Variants in EBF3 observed in about 807,000 individuals in gnomAD.
EBF3 encodes transcription factor COE3.
A neutral mutation model predicts 77.1 loss-of-function variants in EBF3; 18 were observed. The observed-to-expected ratio is 0.23, with a 90% CI of 0.16 to 0.35. The LOEUF (loss-of-function observed/expected upper bound fraction) is 0.35, where lower values mean the gene tolerates loss of function less well. Among genes scored for constraint, EBF3 ranks in the 10% least tolerant of loss-of-function variants. EBF3 has a pLI of 1.00. For synonymous variants in EBF3, 350 were observed against 343.5 expected (o/e 1.02, Z -0.21); for missense variants, 558 against 860.0 (o/e 0.65, Z 4.39).
In EBF3 at chr10:129,863,891, T is replaced by C. The variant is rs115025243; in HGVS notation, c.1039+3250A>G. Among the ~76,000 whole-genome samples the C allele has an allele frequency of 0.014, 2,186 of 152,084 alleles. 52 individuals are homozygous for C. The highest frequency in any genetic ancestry group is 0.05 in the African/African-American group (2,083 of 41,462). Reference sequence around the variant, plus strand: ...AATGACTGGGGTGTGGGGGAGCCAATAGGTTAACCTCCAGCCAGGAAAGGC... The same window carrying C: ...AATGACTGGGGTGTGGGGGAGCCAACAGGTTAACCTCCAGCCAGGAAAGGC... On this transcript the variant is annotated intron_variant, in intron 10 of 16. Transcript: ENST00000440978. This position sits in a 1 kb window ranked among gnomAD's most constrained non-coding sequence, Gnocchi z 4.0.
intron 9 of EBF3, 125 bp downstream of exon 9, chr10:129,867,657 A>C: frequency 6.8e-7 from 1 of 1,473,542 alleles, no homozygotes; most frequent in Non-Finnish European, 9.1e-7. Flanking sequence ...CCACAGGCGA[A>C]CAGTGCAGTG....
In EBF3 at chr10:129,864,842, C is replaced by T. The variant is rs977500143; in HGVS notation, c.1039+2299G>A. Among the ~76,000 whole-genome samples the T allele has an allele frequency of 7.2e-5, 11 of 152,204 alleles. No homozygotes were observed. The highest frequency in any genetic ancestry group is 2.6e-4 in the Admixed American group (4 of 15,280). On this transcript the variant is annotated intron_variant, in intron 10 of 16. Coordinates refer to ENST00000440978, the MANE Select transcript of EBF3 (RefSeq NM_001375380.1). This position sits in a 1 kb window ranked among gnomAD's most constrained non-coding sequence, Gnocchi z 4.4. ...CCGCTTTCCTAAGGAGCTCAGGACT[C>T]GAGCAGAGTCCCACAGAACCCAGCC...
chr10:129,909,220 A>T (rs1855348525), intron 6 of EBF3, among the ~76,000 whole-genome samples: 1 of 152,230 alleles, frequency 6.6e-6, no homozygotes, highest in Non-Finnish European at 1.5e-5. Flanking sequence ...AAGAGGCCAG[A>T]CATGGAGGGA....
chr10:129,882,230 T>A (rs1853259390), intron 6 of EBF3, among the ~76,000 whole-genome samples: 1 of 152,266 alleles, frequency 6.6e-6, no homozygotes, highest in Non-Finnish European at 1.5e-5. Flanking sequence ...CTGTGTAATA[T>A]CCATTACATT....
chr10:129,881,014 T>G (rs981834571), intron 6 of EBF3, among the ~76,000 whole-genome samples: 1 of 152,178 alleles, frequency 6.6e-6, no homozygotes, highest in Non-Finnish European at 1.5e-5. Flanking sequence ...AAAAGGTAAT[T>G]CTCATCCTTT....
chr10:129,912,415 G>A (rs929687556), intron 6 of EBF3, among the ~76,000 whole-genome samples: 1 of 152,146 alleles, frequency 6.6e-6, no homozygotes, highest in Non-Finnish European at 1.5e-5. Flanking sequence ...CTGCAGGATG[G>A]GAAATAGAGG....
At chr10:129,958,741 G>C (rs1277415643) in intron 5 of EBF3, among the ~76,000 whole-genome samples, 193 bp downstream of exon 5, 1 of 152,188 alleles carries the variant, frequency 6.6e-6, no homozygotes, top group East Asian at 1.9e-4. Context: ...AGCGGGTCGC[G>C]TTGATCGTCA....
chr10:129,878,840 A>AAAAAAT (rs1852995178), intron 6 of EBF3, among the ~76,000 whole-genome samples: 1 of 128,302 alleles, frequency 7.8e-6, no homozygotes, highest in Non-Finnish European at 1.8e-5. Flanking sequence ...AAAAAAAAAA[A>AAAAAAT]AAAAAATCTA....
At chr10:129,913,975 C>G (rs1178867491) in intron 6 of EBF3, among the ~76,000 whole-genome samples, 2 of 152,252 alleles carry the variant, frequency 1.3e-5, no homozygotes, top group Non-Finnish European at 2.9e-5. Flanking sequence ...TGACCATGGT[C>G]TCTCGTCCTA....
rs759879227 is a variant in EBF3 at position 129,840,265 on chromosome 10, G to A, written c.1739C>T (p.Ala580Val). 4 of 1,583,342 alleles carry A rather than the reference G, an allele frequency of 2.5e-6. No homozygotes were observed. The African/African-American group carries it at 5.4e-5, about 21-fold the overall frequency. Residue 580 changes from alanine (A) to valine (V), a missense_variant, in exon 15 of 17, where the codon GCC becomes GTC. By Grantham distance (64) the Ala-to-Val change is moderately conservative (BLOSUM62 0). This residue lies in a region of EBF3 where 284 missense variants were observed against 368.3 expected (regional missense o/e 0.77). Coordinates refer to ENST00000440978, the MANE Select transcript of EBF3 (RefSeq NM_001375380.1). ...CTCACCTTGCAGTCCATTCCCGTTG[G>A]CGCTGGTGCAGGAAGGAGGAGGAGA... ...QASPPPSCTS[A>V]NGNGLQGSLL...
intron 11 of EBF3, among the ~76,000 whole-genome samples, chr10:129,843,864 G>A (rs947882754): frequency 2.0e-5 from 3 of 152,342 alleles, no homozygotes; most frequent in South Asian, 2.1e-4. Context: ...GAGAGTGTGC[G>A]CGCTGTGCCT....
At chr10:129,843,470 G>C (rs956198719) in intron 11 of EBF3, 1 of 412,730 alleles carries the variant, frequency 2.4e-6, no homozygotes. Context: ...ACGGACAAGC[G>C]GGAGGGCCGG....
At chr10:129,889,802 CA>C (rs57252162) in intron 6 of EBF3, among the ~76,000 whole-genome samples, 69 of 114,890 alleles carry the variant, frequency 6.0e-4, no homozygotes, top group African/African-American at 9.4e-4. Context: ...GTCACATCTG[CA>C]AAAAAAAAAA....
At chr10:129,866,011 C>G (rs1405999353) in intron 10 of EBF3, among the ~76,000 whole-genome samples, 1 of 152,240 alleles carries the variant, frequency 6.6e-6, no homozygotes, top group Non-Finnish European at 1.5e-5. Context: ...ATCTTGCTCA[C>G]TGTCACTCGG....
At chr10:129,880,949 C>A (rs542957398) in intron 6 of EBF3, among the ~76,000 whole-genome samples, 1 of 152,148 alleles carries the variant, frequency 6.6e-6, no homozygotes, top group Admixed American at 6.5e-5. Context: ...GTGAGCCACA[C>A]GATTTCAGTG....
intron 6 of EBF3, among the ~76,000 whole-genome samples, chr10:129,911,937 T>A (rs1855552618): frequency 6.6e-6 from 1 of 152,000 alleles, no homozygotes; most frequent in Admixed American, 6.5e-5. Context: ...CATGGCTGCT[T>A]CCTCCCCAGA....
At chr10:129,881,504 A>T (rs570795304) in intron 6 of EBF3, among the ~76,000 whole-genome samples, 90 of 152,284 alleles carry the variant, frequency 5.9e-4, no homozygotes, top group African/African-American at 2.0e-3. Context: ...TCCCAGCCCC[A>T]TTCCACTCGG....
At chr10:129,916,646 G>A (rs774715291) in intron 6 of EBF3, among the ~76,000 whole-genome samples, 5 of 152,228 alleles carry the variant, frequency 3.3e-5, no homozygotes, top group Non-Finnish European at 7.3e-5. Flanking sequence ...CAGGGCCAGC[G>A]AGAGGCTGGA....
chr10:129,958,842 G>A (rs1859247032), intron 5 of EBF3, 92 bp downstream of exon 5: 1 of 1,438,824 alleles, frequency 7.0e-7, no homozygotes, highest in Admixed American at 2.9e-5. Context: ...CCGGAGCTGG[G>A]CGGGGTGGCG....
Sources: allele counts gnomAD v4.1 joint callset (sites outside exome capture counted in the v4.1 genomes callset), GRCh38; gene constraint gnomAD v4.1.1; regional missense constraint gnomAD v4.1.1; non-coding constraint Gnocchi (gnomAD v3.1); transcripts MANE v1.5; gene names NCBI Gene and HGNC (gene_info 2026-07-23, HGNC 2026-07-21).